RUNX1: variants seen among roughly 807,000 people sequenced by gnomAD.
RUNX1 encodes RUNX family transcription factor 1, also known as runt-related transcription factor 1.
Under a neutral mutation model 42.8 loss-of-function variants are expected in RUNX1, and 19 were observed. That is an observed-to-expected ratio of 0.44 (90% CI 0.31 to 0.65). RUNX1 has a LOEUF of 0.65. RUNX1 is among the 30% of genes least tolerant of loss of function. RUNX1 has a pLI of 0.07. For missense variants in RUNX1, 528 were observed against 672.0 expected (o/e 0.79, Z 2.37); for synonymous variants, 271 against 289.4 (o/e 0.94, Z 0.64).
rs889042551 is a variant in RUNX1, at chr21:34,843,850, G to A, written c.614-9249C>T. 6.6e-6 allele frequency among the ~76,000 whole-genome samples: 1 copy of A among 152,122 alleles called. No individual in the cohort carries two copies. Among genetic ancestry groups the A allele is most frequent in the Non-Finnish European group, 1.5e-5 (1 of 68,028 alleles). On this transcript the variant is annotated intron_variant, in intron 6 of 8. Coordinates refer to ENST00000675419, the MANE Select transcript of RUNX1 (RefSeq NM_001754.5). This position sits in a 1 kb window ranked among gnomAD's most constrained non-coding sequence, Gnocchi z 4.8. ...AAATCTAAATCTGCCATCCCCGGTCGCCAGGGCTCACTGTCCATTTCTGTC... is the reference window on the plus strand; with the variant it reads ...AAATCTAAATCTGCCATCCCCGGTCACCAGGGCTCACTGTCCATTTCTGTC...
intron 3 of RUNX1, chr21:34,889,662 A>G: frequency 1.8e-6 from 2 of 1,127,482 alleles, no homozygotes; most frequent in Non-Finnish European, 2.2e-6. Flanking sequence ...GAGCGGCCCC[A>G]GGTGCGGAAC....
At chr21:34,838,697 T>G (rs907626666) in intron 6 of RUNX1, among the ~76,000 whole-genome samples, 1 of 152,198 alleles carries the variant, frequency 6.6e-6, no homozygotes, top group Non-Finnish European at 1.5e-5. Context: ...TCAATGTGTG[T>G]AGAGAACAGC....
chr21:34,997,669 CT>C (rs144189493), intron 2 of RUNX1, among the ~76,000 whole-genome samples: 4,105 of 152,308 alleles, frequency 0.027, 145 homozygotes, highest in African/African-American at 0.076. Context: ...TCTTACCAGG[CT>C]GAAGAGCTCT....
intron 4 of RUNX1, among the ~76,000 whole-genome samples, chr21:34,882,313 T>C (rs573438693): frequency 1.3e-5 from 2 of 152,196 alleles, no homozygotes; most frequent in Non-Finnish European, 1.5e-5. Context: ...CTTCAGTCCT[T>C]GTGGCACAGA....
chr21:34,993,496 C>CACACACACACACA (rs1160336189), intron 2 of RUNX1, among the ~76,000 whole-genome samples: 2 of 120,286 alleles, frequency 1.7e-5, no homozygotes, highest in African/African-American at 7.7e-5. Context: ...TTTGTTTGTC[C>CACACACACACACA]CTACACACAC....
chr21:34,816,270 T>C (rs1289350143), intron 7 of RUNX1, among the ~76,000 whole-genome samples: 3 of 152,208 alleles, frequency 2.0e-5, no homozygotes. Context: ...TCTGCAGCTC[T>C]GGGCTAGGTT....
chr21:34,809,240 C>T (rs1006546505), intron 7 of RUNX1, among the ~76,000 whole-genome samples: 1 of 151,994 alleles, frequency 6.6e-6, no homozygotes, highest in African/African-American at 2.4e-5. Flanking sequence ...TCCTCCATGT[C>T]CTTCTTCTCC....
chr21:34,900,092 TA>T (rs1339174240), intron 2 of RUNX1, among the ~76,000 whole-genome samples: 1 of 152,210 alleles, frequency 6.6e-6, no homozygotes, highest in East Asian at 1.9e-4. Context: ...GTAGCCACAT[TA>T]AAAAAGTAAT....
intron 2 of RUNX1, among the ~76,000 whole-genome samples, chr21:34,973,111 T>C (rs2058774571): frequency 1.3e-5 from 2 of 152,194 alleles, no homozygotes; most frequent in African/African-American, 4.8e-5. Flanking sequence ...AGGCTCTTTC[T>C]CCCTCCATCT....
chr21:35,013,601 G>C (rs575170617), intron 2 of RUNX1, among the ~76,000 whole-genome samples: 1 of 152,282 alleles, frequency 6.6e-6, no homozygotes, highest in South Asian at 2.1e-4. Context: ...AAGAGTGGAG[G>C]CAAAATAGCC....
At chr21:34,910,838 G>T (rs1262240619) in intron 2 of RUNX1, among the ~76,000 whole-genome samples, 1 of 151,924 alleles carries the variant, frequency 6.6e-6, no homozygotes, top group East Asian at 1.9e-4. Flanking sequence ...CTGGAGTGCA[G>T]TGGCTCACCG....
chr21:34,933,581 C>T (rs1601586490), intron 2 of RUNX1, among the ~76,000 whole-genome samples: 1 of 152,140 alleles, frequency 6.6e-6, no homozygotes, highest in Admixed American at 6.5e-5. Flanking sequence ...TGTTGTTTTA[C>T]TGTGTTCGAC....
intron 1 of RUNX1, 26 bp downstream of exon 1, chr21:35,049,142 C>G: frequency 2.0e-6 from 1 of 508,238 alleles, no homozygotes; most frequent in East Asian, 3.4e-5. Flanking sequence ...CCAGCGCCGC[C>G]TTGGCTGTGG....
At chr21:34,886,822 C>A (rs1302700619) in intron 4 of RUNX1, 21 bp downstream of exon 4, 3 of 1,612,324 alleles carry the variant, frequency 1.9e-6, no homozygotes, top group Admixed American at 3.3e-5. Flanking sequence ...TGTCCTCCCA[C>A]CACCCTCTCC....
In RUNX1 at chr21:35,000,529, C is replaced by G. The variant is rs904255211; in HGVS notation, c.58+48313G>C. 3.3e-5 allele frequency among the ~76,000 whole-genome samples: 5 copies of G among 152,024 alleles called. No homozygotes were observed. The East Asian group carries it at 9.6e-4, about 29-fold the overall frequency. The stretch of plus-strand genomic sequence containing the variant: ...TGCTGGGATTACAGGCGTGAGCCAC[C>G]GCACCCAGCCTCATATAATTTTCAT... On this transcript the variant is annotated intron_variant, in intron 2 of 8. Coordinates refer to ENST00000675419, the MANE Select transcript of RUNX1 (RefSeq NM_001754.5).
intron 2 of RUNX1, among the ~76,000 whole-genome samples, chr21:34,904,124 T>C (rs2146496569): frequency 6.6e-6 from 1 of 152,284 alleles, no homozygotes; most frequent in South Asian, 2.1e-4. Flanking sequence ...TCTCAAACAA[T>C]AGTTAAGTGA....
At chr21:34,823,329 A>G (rs1266123857) in intron 7 of RUNX1, among the ~76,000 whole-genome samples, 2 of 150,748 alleles carry the variant, frequency 1.3e-5, no homozygotes, top group Non-Finnish European at 2.9e-5. Context: ...AACGGAACTG[A>G]TGATGTTGAC....
chr21:34,984,154 G>C (rs1443390347), intron 2 of RUNX1, among the ~76,000 whole-genome samples: 2 of 152,156 alleles, frequency 1.3e-5, no homozygotes, highest in Non-Finnish European at 2.9e-5. Flanking sequence ...GGACCAGAGA[G>C]AGAAGAGAGC....
chr21:34,948,604 T>G (rs1465456340), intron 2 of RUNX1, among the ~76,000 whole-genome samples: 8 of 152,158 alleles, frequency 5.3e-5, no homozygotes, highest in African/African-American at 1.9e-4. Flanking sequence ...TGTGATGGTC[T>G]ACCCTTCCCT....
Sources: allele counts gnomAD v4.1 joint callset (sites outside exome capture counted in the v4.1 genomes callset), GRCh38; gene constraint gnomAD v4.1.1; non-coding constraint Gnocchi (gnomAD v3.1); transcripts MANE v1.5; gene names NCBI Gene and HGNC (gene_info 2026-07-23, HGNC 2026-07-21).